The following PTPRT variants were observed in gnomAD, a reference collection of about 807,000 sequenced individuals.
PTPRT encodes the protein protein tyrosine phosphatase receptor type T.
Under a neutral mutation model 176.8 loss-of-function variants are expected in PTPRT, and 56 were observed. That is an observed-to-expected ratio of 0.32 (90% CI 0.26 to 0.40). The LOEUF (loss-of-function observed/expected upper bound fraction) is 0.40, where lower values mean the gene tolerates loss of function less well. PTPRT is among the 10% of genes least tolerant of loss of function. The pLI, the probability that PTPRT is intolerant of heterozygous loss-of-function variation, is 1.00. For synonymous variants in PTPRT, 783 were observed against 739.0 expected (o/e 1.06, Z -0.96); for missense variants, 1,540 against 1,908.2 (o/e 0.81, Z 3.60).
intron 13 of PTPRT, among the ~76,000 whole-genome samples, chr20:42,280,594 A>G (rs1236868044): frequency 6.6e-6 from 1 of 152,164 alleles, no homozygotes; most frequent in Admixed American, 6.5e-5. Flanking sequence ...ACCTGCATAC[A>G]CACTCCATTC....
intron 1 of PTPRT, among the ~76,000 whole-genome samples, chr20:43,167,135 C>T (rs916928604): frequency 2.0e-5 from 3 of 152,162 alleles, no homozygotes; most frequent in Non-Finnish European, 4.4e-5. Context: ...CAGGTTTGGA[C>T]CTCTTAAAAA....
At chr20:42,425,431 G>C (rs1195450805) in intron 9 of PTPRT, among the ~76,000 whole-genome samples, 1 of 152,084 alleles carries the variant, frequency 6.6e-6, no homozygotes, top group Non-Finnish European at 1.5e-5. Flanking sequence ...TCCATACCTG[G>C]CTTATTTCAC....
intron 4 of PTPRT, among the ~76,000 whole-genome samples, chr20:42,777,359 A>C (rs138895126): frequency 3.9e-5 from 6 of 152,004 alleles, no homozygotes; most frequent in Non-Finnish European, 8.8e-5. Context: ...TGCAACCACT[A>C]TCTCCTCTGT....
chr20:42,398,873 G>A (rs1244629392), intron 9 of PTPRT, among the ~76,000 whole-genome samples: 1 of 152,198 alleles, frequency 6.6e-6, no homozygotes, highest in Non-Finnish European at 1.5e-5. Context: ...TGTCATTCAA[G>A]TAGCCATAGT....
At chr20:42,052,224 G>A in the PTPRT span, among the ~76,000 whole-genome samples, 2 of 152,144 alleles carry the variant, frequency 1.3e-5, no homozygotes, top group Non-Finnish European at 2.9e-5. Flanking sequence ...CAGAAGACCT[G>A]GAGACCCTTG....
intron 1 of PTPRT, among the ~76,000 whole-genome samples, chr20:43,131,843 G>A (rs997726641): frequency 2.0e-5 from 3 of 151,952 alleles, no homozygotes; most frequent in Non-Finnish European, 4.4e-5. Flanking sequence ...CCCAAACACA[G>A]GCTATCAAAA....
At chr20:43,006,470 C>T (rs1156251989) in intron 1 of PTPRT, among the ~76,000 whole-genome samples, 1 of 152,142 alleles carries the variant, frequency 6.6e-6, no homozygotes, top group African/African-American at 2.4e-5. Context: ...CCTGTATCTG[C>T]CTGCCTCTGT....
chr20:42,643,768 A>G (rs2074820689), intron 7 of PTPRT, among the ~76,000 whole-genome samples: 1 of 152,054 alleles, frequency 6.6e-6, no homozygotes, highest in South Asian at 2.1e-4. Flanking sequence ...ACACTATAAG[A>G]GAGCTCCTCA....
At chr20:42,703,527 G>C (rs2076005685) in intron 6 of PTPRT, among the ~76,000 whole-genome samples, 1 of 152,108 alleles carries the variant, frequency 6.6e-6, no homozygotes, top group Non-Finnish European at 1.5e-5. Flanking sequence ...ATGTGCAGTG[G>C]GCCCAGCAAC....
chr20:42,634,907 T>C (rs2074560548), intron 7 of PTPRT, among the ~76,000 whole-genome samples: 2 of 152,118 alleles, frequency 1.3e-5, no homozygotes, highest in Non-Finnish European at 2.9e-5. Flanking sequence ...CTAAGGTAAG[T>C]CTTTTTTATT....
At position 43,046,722 on chromosome 20, in the gene PTPRT, C is replaced by T. The variant is rs370289488; in HGVS notation, c.88+142924G>A. 7.2e-5 allele frequency among the ~76,000 whole-genome samples: 11 copies of T among 152,188 alleles called. No homozygotes were observed. In the East Asian group the frequency reaches 1.4e-3, roughly 19 times the overall value. ...CCAACACCAGCATCCTGCACAGTTCCGAGACTGGCCCTAGAGACACCCTGG... is the reference window on the plus strand; with the variant it reads ...CCAACACCAGCATCCTGCACAGTTCTGAGACTGGCCCTAGAGACACCCTGG... On this transcript the variant is annotated intron_variant, in intron 1 of 30. Transcript: ENST00000373187.
chr20:42,168,429 C>T (rs1323270955), intron 16 of PTPRT, among the ~76,000 whole-genome samples: 1 of 152,140 alleles, frequency 6.6e-6, no homozygotes, highest in Non-Finnish European at 1.5e-5. Context: ...CAAGGTGGAA[C>T]CTGGCTGGCA....
At chr20:42,389,856 A>C (rs991161142) in intron 9 of PTPRT, among the ~76,000 whole-genome samples, 6 of 98,920 alleles carry the variant, frequency 6.1e-5, no homozygotes, top group African/African-American at 2.7e-4. Context: ...CCCTGTCAAA[A>C]AAAAAAAAAA....
At chr20:42,648,820 G>GTTTTTTTTTTTGTTTTTTTTTTTTT (rs746084382) in intron 7 of PTPRT, among the ~76,000 whole-genome samples, 1 of 111,834 alleles carries the variant, frequency 8.9e-6, no homozygotes, top group African/African-American at 3.7e-5. Flanking sequence ...TGGTGTCGTT[G>GTTTTTTTTTTTGTTTTTTTTTTTTT]TTTTTTTTTT....
chr20:42,536,526 C>T (rs1243484631), intron 7 of PTPRT, among the ~76,000 whole-genome samples: 2 of 152,146 alleles, frequency 1.3e-5, no homozygotes, highest in African/African-American at 4.8e-5. Context: ...TGTGTGTGAA[C>T]ATTTTACCAT....
In PTPRT at chr20:42,856,418, T is replaced by C. The variant is rs575293213; in HGVS notation, c.214+29389A>G. On this transcript the variant is annotated intron_variant, in intron 2 of 30. Coordinates refer to ENST00000373187, the MANE Select transcript of PTPRT (RefSeq NM_007050.6). Reference sequence around the variant, plus strand: ...CCACAGTAGGTTTCACACGCAAAGATTTTTTTTTAAAACTCACCCTGGAAG... The same window carrying C: ...CCACAGTAGGTTTCACACGCAAAGACTTTTTTTTAAAACTCACCCTGGAAG... Among the ~76,000 whole-genome samples, 4 of 151,846 alleles carry C rather than the reference T, an allele frequency of 2.6e-5. No individual in the cohort carries two copies. The South Asian group carries it at 6.2e-4, about 24-fold the overall frequency.
At chr20:42,580,543 A>C (rs1467107445) in intron 7 of PTPRT, among the ~76,000 whole-genome samples, 5 of 152,118 alleles carry the variant, frequency 3.3e-5, no homozygotes, top group African/African-American at 7.2e-5. Flanking sequence ...TGAGCATGGA[A>C]TGTTCTTCCA....
At chr20:42,153,866 C>T (rs1023248664) in intron 17 of PTPRT, among the ~76,000 whole-genome samples, 2 of 152,220 alleles carry the variant, frequency 1.3e-5, no homozygotes, top group African/African-American at 2.4e-5. Flanking sequence ...TCCTAGATCC[C>T]TCCAAGATCC....
intron 2 of PTPRT, among the ~76,000 whole-genome samples, chr20:42,840,988 T>C (rs1356490890): frequency 1.3e-5 from 2 of 152,288 alleles, no homozygotes; most frequent in African/African-American, 4.8e-5. Context: ...CACTTGGCCT[T>C]TGGCTTCTGA....
Sources: gnomAD v4.1 joint callset for allele counts (sites outside exome capture counted in the v4.1 genomes callset) on GRCh38, gnomAD v4.1.1 for gene constraint, MANE v1.5 for transcripts, NCBI Gene and HGNC (gene_info 2026-07-23, HGNC 2026-07-21) for gene names.